The following GLIS3 variants were observed in gnomAD, a reference collection of about 807,000 sequenced individuals.
GLIS3 encodes zinc finger protein GLIS3.
Under a neutral mutation model 78.6 loss-of-function variants are expected in GLIS3, and 53 were observed. The observed-to-expected ratio is 0.67, with a 90% CI of 0.54 to 0.85. The LOEUF (loss-of-function observed/expected upper bound fraction) is 0.85, where lower values mean the gene tolerates loss of function less well. Ranked by LOEUF, GLIS3 falls within the 40% of genes least tolerant of loss-of-function variation. The pLI is 0.00. For missense variants in GLIS3, 1,703 were observed against 1,231.1 expected, an observed-to-expected ratio of 1.38 and a Z score of -5.74; for synonymous variants, 684 against 509.9, an observed-to-expected ratio of 1.34 and a Z score of -4.60.
intron 2 of GLIS3, among the ~76,000 whole-genome samples, chr9:4,329,683 T>C (rs1404667038): frequency 6.6e-6 from 1 of 152,142 alleles, no homozygotes; most frequent in African/African-American, 2.4e-5. Context: ...TCATCTAGTC[T>C]GCCCACCCAC....
At chr9:3,875,328 G>C (rs1236202026) in intron 8 of GLIS3, among the ~76,000 whole-genome samples, 3 of 152,216 alleles carry the variant, frequency 2.0e-5, no homozygotes, top group East Asian at 1.9e-4. Flanking sequence ...GTTAGATTGA[G>C]AGAACTTGCA....
chr9:3,928,001 G>A (rs1473141058), intron 6 of GLIS3, among the ~76,000 whole-genome samples: 1 of 152,222 alleles, frequency 6.6e-6, no homozygotes, highest in East Asian at 1.9e-4. Flanking sequence ...TCAAATGAGA[G>A]CATCAGGATA....
At chr9:4,433,462 T>C in the GLIS3 span, among the ~76,000 whole-genome samples, 1 of 152,074 alleles carries the variant, frequency 6.6e-6, no homozygotes, top group Non-Finnish European at 1.5e-5. Flanking sequence ...ATAAATAAAA[T>C]GAGCTTTCAT....
At position 4,346,527 on chromosome 9, in the gene GLIS3, C is replaced by T. The variant is rs553200614; in HGVS notation, n.264+554G>A. Reference sequence around the variant, plus strand: ...CCATTATTCATAAGTGTGGCCATTACTTTACATCCAGAGCCACAAAATGTC... The same window carrying T: ...CCATTATTCATAAGTGTGGCCATTATTTTACATCCAGAGCCACAAAATGTC... On this transcript the variant is annotated intron_variant and non_coding_transcript_variant, in intron 2 of 4. Coordinates refer to the GLIS3 transcript ENST00000471664. Among the ~76,000 whole-genome samples, 27 of 152,292 alleles carry T rather than the reference C, an allele frequency of 1.8e-4. No homozygotes were observed. The South Asian group carries it at 5.0e-3, about 28-fold the overall frequency.
In GLIS3 at chr9:4,220,451, A is replaced by C. The variant is rs182121964; in HGVS notation, c.388+65587T>G. 3.7e-4 allele frequency among the ~76,000 whole-genome samples: 56 copies of C among 152,364 alleles called. No individual in the cohort carries two copies. The Middle Eastern group carries it at 0.01, about 28-fold the overall frequency. On this transcript the variant is annotated intron_variant, in intron 2 of 10. Transcript: ENST00000381971. ...CACAGTATCTTAGCCAAGGGATAGA[A>C]GTTAACACCACCAGCATTAGACAGA...
intron 9 of GLIS3, among the ~76,000 whole-genome samples, chr9:3,831,255 G>A (rs1818027279): frequency 1.3e-5 from 2 of 152,188 alleles, no homozygotes; most frequent in Non-Finnish European, 2.9e-5. Flanking sequence ...AGAATGGAAA[G>A]CTATTGTCTT....
intron 2 of GLIS3, among the ~76,000 whole-genome samples, chr9:4,180,336 G>C (rs904448566): frequency 6.6e-6 from 1 of 152,106 alleles, no homozygotes; most frequent in African/African-American, 2.4e-5. Context: ...CAATTTAGTC[G>C]CAAGAGGAAG....
At chr9:3,957,883 A>G (rs1020182118) in intron 4 of GLIS3, among the ~76,000 whole-genome samples, 15 of 152,240 alleles carry the variant, frequency 9.9e-5, no homozygotes, top group African/African-American at 3.1e-4. Flanking sequence ...TGAAATGCCC[A>G]TGTTGCAAAT....
chr9:4,142,754 T>C (rs1833905710), intron 2 of GLIS3, among the ~76,000 whole-genome samples: 1 of 152,190 alleles, frequency 6.6e-6, no homozygotes, highest in Non-Finnish European at 1.5e-5. Flanking sequence ...GGAAGACTGT[T>C]AGACATTAAT....
chr9:4,085,837 A>G (rs1828976925), intron 4 of GLIS3, among the ~76,000 whole-genome samples: 1 of 152,108 alleles, frequency 6.6e-6, no homozygotes, highest in Non-Finnish European at 1.5e-5. Context: ...CCCTTCCGCC[A>G]TGAGTAGAAA....
intron 4 of GLIS3, among the ~76,000 whole-genome samples, chr9:4,101,278 A>T (rs1033822674): frequency 4.6e-5 from 7 of 152,168 alleles, no homozygotes; most frequent in Non-Finnish European, 1.0e-4. Flanking sequence ...TGTAAACTTG[A>T]CTTCAATGGA....
the GLIS3 span, among the ~76,000 whole-genome samples, chr9:4,448,570 C>T: frequency 6.6e-6 from 1 of 152,202 alleles, no homozygotes; most frequent in Non-Finnish European, 1.5e-5. Context: ...CAGATATTTC[C>T]AGCTTCTTGT....
At chr9:4,445,704 G>C in the GLIS3 span, among the ~76,000 whole-genome samples, 1 of 152,122 alleles carries the variant, frequency 6.6e-6, no homozygotes, top group Non-Finnish European at 1.5e-5. Context: ...GGACAAGAGG[G>C]ACCAAACGAC....
At position 3,898,684 on chromosome 9, in the gene GLIS3, T is replaced by A. The variant is rs766629040; in HGVS notation, c.2128+7A>T. ...GTTGTGGTTGGCTCTGCCTTTGCTG[T>A]CTTTACCTGAATAGAGGTCAGGCCC... On this transcript the variant is annotated splice_region_variant and intron_variant, in intron 7 of 10. Coordinates refer to ENST00000381971, the MANE Select transcript of GLIS3 (RefSeq NM_001042413.2). 2.5e-6 allele frequency: 4 copies of A among 1,614,034 alleles called. No homozygotes were observed. The highest frequency in any genetic ancestry group is 3.4e-6 in the Non-Finnish European group (4 of 1,180,002).
intron 2 of GLIS3, among the ~76,000 whole-genome samples, chr9:4,142,574 A>T (rs1014834683): frequency 6.6e-6 from 1 of 152,226 alleles, no homozygotes; most frequent in Non-Finnish European, 1.5e-5. Flanking sequence ...ACAAAACTAC[A>T]GGCAGAAATC....
chr9:4,470,089 C>G, the GLIS3 span, among the ~76,000 whole-genome samples: 3 of 152,132 alleles, frequency 2.0e-5, no homozygotes, highest in Non-Finnish European at 4.4e-5. Flanking sequence ...CAATAACAGG[C>G]TCTGAAATTG....
At chr9:4,013,177 A>G (rs1266946132) in intron 4 of GLIS3, among the ~76,000 whole-genome samples, 2 of 152,106 alleles carry the variant, frequency 1.3e-5, no homozygotes, top group Admixed American at 6.5e-5. Flanking sequence ...GTGGCCCGTG[A>G]CATCCCACAT....
rs193006842 is a variant in GLIS3, at chr9:4,174,370, G to A, written c.389-48429C>T. Among the ~76,000 whole-genome samples the A allele has an allele frequency of 2.0e-3, 308 of 152,116 alleles. 4 individuals carry two copies. Among genetic ancestry groups the A allele is most frequent in the Admixed American group, 0.013 (199 of 15,278 alleles). On this transcript the variant is annotated intron_variant, in intron 2 of 10. Transcript: ENST00000381971. Reference sequence around the variant, plus strand: ...ACAAACAGATACTTTCCAATTCACCGATTTTTTAAAAAAGTTCCAGGAATC... The same window carrying A: ...ACAAACAGATACTTTCCAATTCACCAATTTTTTAAAAAAGTTCCAGGAATC...
At chr9:4,176,715 C>G (rs1002356439) in intron 2 of GLIS3, among the ~76,000 whole-genome samples, 9 of 152,166 alleles carry the variant, frequency 5.9e-5, no homozygotes, top group Non-Finnish European at 1.2e-4. Context: ...CCTCCGCCTC[C>G]CGGGTTCAAA....
Sources: gnomAD v4.1 joint callset for allele counts (sites outside exome capture counted in the v4.1 genomes callset) on GRCh38, gnomAD v4.1.1 for gene constraint, MANE v1.5 for transcripts, NCBI Gene and HGNC (gene_info 2026-07-23, HGNC 2026-07-21) for gene names.